SLC26A11: variants seen among roughly 807,000 people sequenced by gnomAD.
The protein encoded by SLC26A11 is sodium-independent sulfate anion transporter.
In SLC26A11, 58 loss-of-function variants were observed where a neutral mutation model predicts 62.2. That is an observed-to-expected ratio of 0.93 (90% CI 0.76 to 1.16). The LOEUF (loss-of-function observed/expected upper bound fraction) is 1.16. Ranked by LOEUF, SLC26A11 falls within the 50% of genes most tolerant of loss-of-function variation. The probability of loss-of-function intolerance (pLI) is 0.00; values close to 1 mark genes in which losing one functional copy is unlikely to be tolerated. For synonymous variants in SLC26A11, 411 were observed against 368.9 expected (o/e 1.11, Z -1.31); for missense variants, 790 against 794.3 (o/e 0.99, Z 0.06).
chr17:80,247,900 G>C (rs776136134), intron 13 of SLC26A11, among the ~76,000 whole-genome samples: 1 of 152,212 alleles, frequency 6.6e-6, no homozygotes, highest in Non-Finnish European at 1.5e-5. Context: ...GCCAGGGACC[G>C]GCCGGCAGGT....
In SLC26A11 at chr17:80,222,509, G is replaced by A. The variant is rs2042250293; in HGVS notation, c.235-146G>A. The A allele has an allele frequency of 1.3e-6, 1 of 799,866 alleles. No homozygotes were observed. The highest frequency in any genetic ancestry group is 2.0e-6 in the Non-Finnish European group (1 of 506,030). 49.5% of individuals were successfully genotyped at this position (799,866 alleles called of 1,614,324 possible). On this transcript the variant is annotated intron_variant, in intron 3 of 17. Transcript: ENST00000361193. This position sits in a 1 kb window ranked among gnomAD's most constrained non-coding sequence, Gnocchi z 4.7. ...AAAAAGTGGCCTCCTGATCACTGCAGGTCCACCCACAGGGCAGGGCGGTGC... is the reference window on the plus strand; with the variant it reads ...AAAAAGTGGCCTCCTGATCACTGCAAGTCCACCCACAGGGCAGGGCGGTGC...
chr17:80,225,627 C>T (rs937627846), intron 5 of SLC26A11: 18 of 564,370 alleles, frequency 3.2e-5, no homozygotes, highest in South Asian at 2.4e-4. Flanking sequence ...AGTACTGTCT[C>T]CCACGAGGGT....
chr17:80,252,007 A>G lies in SLC26A11; in HGVS notation c.1729+606A>G, dbSNP rs2144996409. 6.6e-6 allele frequency among the ~76,000 whole-genome samples: 1 copy of G among 152,244 alleles called. No individual in the cohort carries two copies. Among genetic ancestry groups the G allele is most frequent in the South Asian group, 2.1e-4 (1 of 4,822 alleles). ...ACATCCCGGGGGATCAGGACAGAGC[A>G]GGGCCGGGTCAGGAGATCCAGAAGC... On this transcript the variant is annotated intron_variant, in intron 17 of 17. Coordinates refer to ENST00000361193, the MANE Select transcript of SLC26A11 (RefSeq NM_001166347.2). The surrounding 1 kb of genome is among the most constrained non-coding windows in gnomAD (Gnocchi z 5.2).
chr17:80,245,054 G>A (rs1444841221), intron 10 of SLC26A11, 142 bp from the exon 11 acceptor site: 2 of 682,556 alleles, frequency 2.9e-6, no homozygotes, highest in Non-Finnish European at 5.3e-6. Flanking sequence ...CTGAAGGAGT[G>A]CGTAGGCCCA....
In SLC26A11 at chr17:80,222,308, G is replaced by A. The variant is rs959064170; in HGVS notation, c.235-347G>A. ...GGAGAATGGCGTGAACCCGGGAGGC[G>A]GAGCTTGCAGTGAGCCGAGACTGTG... On this transcript the variant is annotated intron_variant, in intron 3 of 17. Transcript: ENST00000361193. The surrounding 1 kb of genome is among the most constrained non-coding windows in gnomAD (Gnocchi z 4.7). 1.1e-4 allele frequency: 23 copies of A among 213,994 alleles called. No homozygotes were observed. The highest frequency in any genetic ancestry group is 1.6e-3 in the Middle Eastern group (1 of 622). 13.3% of individuals were successfully genotyped at this position (213,994 alleles called of 1,614,324 possible).
In SLC26A11 at chr17:80,222,618, C is replaced by T. The variant is rs761213865; in HGVS notation, c.235-37C>T. The T allele has an allele frequency of 1.7e-5, 27 of 1,595,522 alleles. No homozygotes were observed. The highest frequency in any genetic ancestry group is 8.9e-5 in the East Asian group (4 of 44,722). On this transcript the variant is annotated intron_variant, in intron 3 of 17. Coordinates refer to ENST00000361193, the MANE Select transcript of SLC26A11 (RefSeq NM_001166347.2). This position sits in a 1 kb window ranked among gnomAD's most constrained non-coding sequence, Gnocchi z 4.7. ...CACTAGGGAGCTGGTGGATGGGCCTCGGCCTCCTGAGTGCTCACCACCCTC... is the reference window on the plus strand; with the variant it reads ...CACTAGGGAGCTGGTGGATGGGCCTTGGCCTCCTGAGTGCTCACCACCCTC...
In SLC26A11 at chr17:80,223,213, G is replaced by A; in HGVS notation, c.428-39G>A. The A allele has an allele frequency of 6.3e-7, 1 of 1,583,890 alleles. No homozygotes were observed. The highest frequency in any genetic ancestry group is 1.1e-5 in the South Asian group (1 of 90,206). On this transcript the variant is annotated intron_variant, in intron 4 of 17. Coordinates refer to ENST00000361193, the MANE Select transcript of SLC26A11 (RefSeq NM_001166347.2). This position sits in a 1 kb window ranked among gnomAD's most constrained non-coding sequence, Gnocchi z 4.6. ...TCCCCTCATCCTCTGGGACTGGGTG[G>A]AGCCGGGACCAGCTCGATGTCCCCT...
intron 1 of SLC26A11, 57 bp downstream of exon 1, chr17:80,220,553 A>T: frequency 2.3e-4 from 80 of 343,028 alleles, no homozygotes; most frequent in East Asian, 3.4e-4. Context: ...GGGAGCGGAC[A>T]GTGGCCGGGG....
intron 9 of SLC26A11, among the ~76,000 whole-genome samples, chr17:80,238,812 TTTTTTTTGTTTTTTG>T (rs1387224823): frequency 3.0e-5 from 4 of 133,464 alleles, no homozygotes; most frequent in South Asian, 2.3e-4. Flanking sequence ...TTCAAAGGAG[TTTTTTTTGTTTTTTG>T]TTTTTTTTTT....
intron 10 of SLC26A11, among the ~76,000 whole-genome samples, chr17:80,243,721 C>T (rs900666241): frequency 6.6e-6 from 1 of 152,212 alleles, no homozygotes; most frequent in Non-Finnish European, 1.5e-5. Flanking sequence ...TTAAAAATAC[C>T]ACAGATCTAT....
chr17:80,221,819 G>C (rs1374243692), intron 3 of SLC26A11, 25 bp downstream of exon 3: 1 of 1,594,350 alleles, frequency 6.3e-7, no homozygotes. Context: ...CCTGCTGCCA[G>C]CCATATCTCA....
intron 3 of SLC26A11, 147 bp downstream of exon 3, chr17:80,221,941 C>A: frequency 2.4e-6 from 2 of 821,430 alleles, no homozygotes; most frequent in Non-Finnish European, 3.7e-6. Context: ...CAGATTGTCT[C>A]TGGGCCGACC....
intron 10 of SLC26A11, among the ~76,000 whole-genome samples, chr17:80,242,833 C>T (rs1190344100): frequency 7.9e-5 from 12 of 152,086 alleles, no homozygotes; most frequent in East Asian, 3.9e-4. Context: ...CTCAGCCTCC[C>T]GAGTAGCTGA....
At chr17:80,248,423 CTG>C (rs57963913) in intron 14 of SLC26A11, 150 bp from the exon 15 acceptor site, 1 of 1,257,876 alleles carries the variant, frequency 7.9e-7, no homozygotes, top group Non-Finnish European at 1.1e-6. Flanking sequence ...TGTTCTCCCA[CTG>C]TGTGGGGGCC....
At chr17:80,245,464 A>C in intron 11 of SLC26A11, 1 of 569,836 alleles carries the variant, frequency 1.8e-6, no homozygotes, top group East Asian at 3.0e-5. Context: ...TCATACTAGA[A>C]AGTTCCACTG....
In SLC26A11 at chr17:80,237,696, T is replaced by G. The variant is rs1158577227; in HGVS notation, c.985+102T>G. On this transcript the variant is annotated intron_variant, in intron 9 of 17. Coordinates refer to ENST00000361193, the MANE Select transcript of SLC26A11 (RefSeq NM_001166347.2). The stretch of plus-strand genomic sequence containing the variant: ...TTTATCCGTTACTAGTTTTAGAAAT[T>G]TGAATTCATATCCAAGTAATACATG... 7 of 1,098,000 alleles carry G rather than the reference T, an allele frequency of 6.4e-6. No individual in the cohort carries two copies. The African/African-American group carries it at 9.4e-5, about 15-fold the overall frequency. 68.0% of individuals were successfully genotyped at this position (1,098,000 alleles called of 1,614,324 possible). A position where few individuals can be genotyped will look rare whatever the true frequency, so the allele number is the denominator to read the frequency against.
rs369645796 is a variant in SLC26A11 at position 80,225,948 on chromosome 17, G to A, written c.593+32G>A. 2.1e-5 allele frequency: 34 copies of A among 1,598,000 alleles called. No individual in the cohort carries two copies. The African/African-American group carries it at 4.2e-4, about 20-fold the overall frequency. On this transcript the variant is annotated intron_variant, in intron 6 of 17. Coordinates refer to ENST00000361193, the MANE Select transcript of SLC26A11 (RefSeq NM_001166347.2). ...CGGGCTTTGTTCCTCCCTCCTATAA[G>A]GAAGCTCCTTCTTCCACACCTCCTC... is the stretch of plus-strand genomic sequence containing the variant.
rs778356451 is a variant in SLC26A11 at position 80,222,693 on chromosome 17, T to C, written c.273T>C (p.Tyr91=). Reference sequence around the variant, plus strand: ...CTGCCTTCATGGGCTGCTTCGTGTATTTCTTCCTGGGCACCTCCCGGGATG... The same window carrying C: ...CTGCCTTCATGGGCTGCTTCGTGTACTTCTTCCTGGGCACCTCCCGGGATG... ...LYSAFMGCFV[Y]FFLGTSRDVT... is the part of the protein sequence containing the mutation. The change falls in exon 4 of 18, where the codon TAT becomes TAC. Residue 91 remains tyrosine (Y), a synonymous_variant. Coordinates refer to ENST00000361193, the MANE Select transcript of SLC26A11 (RefSeq NM_001166347.2). The surrounding 1 kb of genome is among the most constrained non-coding windows in gnomAD (Gnocchi z 4.7). The C allele has an allele frequency of 1.2e-6, 2 of 1,614,088 alleles. No individual in the cohort carries two copies. Among genetic ancestry groups the C allele is most frequent in the Admixed American group, 3.3e-5 (2 of 60,010 alleles).
At position 80,223,690 on chromosome 17, in the gene SLC26A11, C is replaced by T. The variant is rs140170784; in HGVS notation, c.513+353C>T. Among the ~76,000 whole-genome samples the T allele has an allele frequency of 4.0e-3, 606 of 152,352 alleles. 5 individuals carry two copies. Among genetic ancestry groups the T allele is most frequent in the African/African-American group, 0.014 (588 of 41,590 alleles). ...GGCACACCCAGCAGGCCCCACCAGT[C>T]ATGAGCATGCTGCTAGAATTTCTAT... is the stretch of plus-strand genomic sequence containing the variant. On this transcript the variant is annotated intron_variant, in intron 5 of 17. Coordinates refer to ENST00000361193, the MANE Select transcript of SLC26A11 (RefSeq NM_001166347.2). The surrounding 1 kb of genome is among the most constrained non-coding windows in gnomAD (Gnocchi z 4.6).
Sources: gnomAD v4.1 joint callset for allele counts (sites outside exome capture counted in the v4.1 genomes callset) on GRCh38, gnomAD v4.1.1 for gene constraint, Gnocchi (gnomAD v3.1) non-coding constraint, MANE v1.5 for transcripts, NCBI Gene and HGNC (gene_info 2026-07-23, HGNC 2026-07-21) for gene names.